FHOD3: variants seen among roughly 807,000 people sequenced by gnomAD.
FHOD3 encodes FH1/FH2 domain-containing protein 3.
In FHOD3, 90 loss-of-function variants were observed where a neutral mutation model predicts 173.0. The observed-to-expected ratio is 0.52, with a 90% CI of 0.44 to 0.62. The LOEUF (loss-of-function observed/expected upper bound fraction) is 0.62, where lower values mean the gene tolerates loss of function less well. Among genes scored for constraint, FHOD3 ranks in the 20% least tolerant of loss-of-function variants. FHOD3 has a pLI of 0.00. For missense variants in FHOD3, 1,945 were observed against 2,034.7 expected, an observed-to-expected ratio of 0.96 and a Z score of 0.85; for synonymous variants, 828 against 823.0, an observed-to-expected ratio of 1.01 and a Z score of -0.10.
intron 1 of FHOD3, among the ~76,000 whole-genome samples, chr18:36,332,584 T>C (rs1401141838): frequency 6.6e-6 from 1 of 152,240 alleles, no homozygotes; most frequent in African/African-American, 2.4e-5. Context: ...TTCAACCCAA[T>C]GCAGGTGTGA....
At chr18:36,303,482 G>A (rs1208169340) in intron 1 of FHOD3, among the ~76,000 whole-genome samples, 1 of 152,004 alleles carries the variant, frequency 6.6e-6, no homozygotes, top group African/African-American at 2.4e-5. Context: ...TTTTGTCCTC[G>A]GACTCCAACC....
chr18:36,462,444 G>A (rs991307712), intron 3 of FHOD3, among the ~76,000 whole-genome samples: 11 of 152,142 alleles, frequency 7.2e-5, no homozygotes, highest in Middle Eastern at 3.4e-3. Flanking sequence ...CCATTCTTCT[G>A]CTTCAGCCTC....
Position 36,759,119 on chromosome 18 carries a change from C to T in FHOD3, c.4427C>T (p.Thr1476Ile). ...NKTRGKMITDTDEEEEVESGK... is the reference protein window; with the variant it reads ...NKTRGKMITDIDEEEEVESGK... ...GTCCTGTCCTGTCCTCTCGGGTAGA[C>T]TGATGAGGAGGAGGAAGTTGAGGTA... Residue 1476 changes from threonine (T) to isoleucine (I), a missense_variant and splice_region_variant, in exon 26 of 29, where the codon ACT becomes ATT. Thr to Ile is a moderately conservative substitution (Grantham distance 89). This residue lies in a region of FHOD3 where 354 missense variants were observed against 359.9 expected (regional missense o/e 0.98). Transcript: ENST00000590592. 1 of 1,535,886 alleles carries T rather than the reference C, an allele frequency of 6.5e-7. No homozygotes were observed. The highest frequency in any genetic ancestry group is 2.0e-5 in the Admixed American group (1 of 50,994).
intron 3 of FHOD3, among the ~76,000 whole-genome samples, chr18:36,427,207 A>G (rs1222924044): frequency 1.3e-5 from 2 of 150,850 alleles, no homozygotes; most frequent in East Asian, 4.0e-4. Flanking sequence ...TAGATTTTAA[A>G]TATGGTAACT....
At chr18:36,636,971 T>C (rs1039701658) in intron 10 of FHOD3, among the ~76,000 whole-genome samples, 1 of 97,832 alleles carries the variant, frequency 1.0e-5, no homozygotes, top group Non-Finnish European at 2.1e-5. Context: ...CAAATAATTT[T>C]GATCATGAGA....
At chr18:36,658,269 A>T in intron 14 of FHOD3, 81 bp downstream of exon 14, 1 of 912,914 alleles carries the variant, frequency 1.1e-6, no homozygotes, top group South Asian at 1.6e-5. Flanking sequence ...TAAAGGAAAA[A>T]TATAAATAAA....
chr18:36,373,926 T>C (rs894984020), intron 3 of FHOD3, among the ~76,000 whole-genome samples: 4 of 152,226 alleles, frequency 2.6e-5, no homozygotes, highest in Admixed American at 6.5e-5. Context: ...TTGGATAAAC[T>C]TCCCCCTTAC....
chr18:36,736,412 C>G lies in FHOD3; in HGVS notation c.3577-4244C>G, dbSNP rs145851448. 4.5e-3 allele frequency among the ~76,000 whole-genome samples: 679 copies of G among 152,288 alleles called. 4 individuals are homozygous for G. The highest frequency in any genetic ancestry group is 0.016 in the African/African-American group (653 of 41,542). Reference sequence around the variant, plus strand: ...CGCCCGCATCTATGGCACCAGAGCTCTTGTTTAGCGTCCAGAAAAAATCAG... The same window carrying G: ...CGCCCGCATCTATGGCACCAGAGCTGTTGTTTAGCGTCCAGAAAAAATCAG... On this transcript the variant is annotated intron_variant, in intron 20 of 28. Coordinates refer to ENST00000590592, the MANE Select transcript of FHOD3 (RefSeq NM_001281740.3).
At chr18:36,483,969 G>A (rs990564833) in intron 3 of FHOD3, among the ~76,000 whole-genome samples, 1 of 152,122 alleles carries the variant, frequency 6.6e-6, no homozygotes, top group African/African-American at 2.4e-5. Context: ...CCAGCTGTGG[G>A]GACACCAACT....
intron 14 of FHOD3, among the ~76,000 whole-genome samples, chr18:36,676,733 C>T (rs2037886150): frequency 6.6e-6 from 1 of 152,136 alleles, no homozygotes; most frequent in African/African-American, 2.4e-5. Context: ...AACAGTATAT[C>T]ACTGTGGGTT....
chr18:36,686,890 G>A (rs74882390), intron 15 of FHOD3, among the ~76,000 whole-genome samples: 2,008 of 152,174 alleles, frequency 0.013, 54 homozygotes, highest in African/African-American at 0.047. Context: ...AGTGTTTCTG[G>A]GTGAATCCAA....
At chr18:36,599,431 A>G (rs2031015633) in intron 7 of FHOD3, among the ~76,000 whole-genome samples, 1 of 152,234 alleles carries the variant, frequency 6.6e-6, no homozygotes, top group Non-Finnish European at 1.5e-5. Flanking sequence ...TTAAGAGTAT[A>G]TCTATCTGTG....
intron 3 of FHOD3, among the ~76,000 whole-genome samples, chr18:36,392,424 G>A (rs143943230): frequency 6.6e-6 from 1 of 152,322 alleles, no homozygotes; most frequent in East Asian, 1.9e-4. Context: ...ACCCTCTCAA[G>A]TTTCCCTGAA....
At chr18:36,462,188 T>C (rs987509174) in intron 3 of FHOD3, among the ~76,000 whole-genome samples, 7 of 152,188 alleles carry the variant, frequency 4.6e-5, no homozygotes, top group Non-Finnish European at 8.8e-5. Context: ...CCAGTGGGGT[T>C]GTTCACTCAC....
intron 1 of FHOD3, among the ~76,000 whole-genome samples, chr18:36,299,447 A>G (rs949754235): frequency 6.6e-6 from 1 of 152,220 alleles, no homozygotes; most frequent in Non-Finnish European, 1.5e-5. Context: ...CATCATGATT[A>G]TTCAGGCCAC....
At chr18:36,682,495 A>T in intron 15 of FHOD3, among the ~76,000 whole-genome samples, 1 of 152,156 alleles carries the variant, frequency 6.6e-6, no homozygotes, top group Admixed American at 6.5e-5. Flanking sequence ...GGCAAACAAT[A>T]TTCCCATCAA....
chr18:36,389,589 C>A (rs2048198363), intron 3 of FHOD3, among the ~76,000 whole-genome samples: 1 of 151,508 alleles, frequency 6.6e-6, no homozygotes, highest in African/African-American at 2.5e-5. Flanking sequence ...TTGTCCTTTC[C>A]TGGAGCATTG....
At chr18:36,738,189 T>A (rs1461480150) in intron 20 of FHOD3, among the ~76,000 whole-genome samples, 1 of 152,252 alleles carries the variant, frequency 6.6e-6, no homozygotes, top group Non-Finnish European at 1.5e-5. Flanking sequence ...CCGAGTGCTA[T>A]TGCATTGCAG....
intron 3 of FHOD3, among the ~76,000 whole-genome samples, chr18:36,466,348 A>G (rs900450280): frequency 3.2e-4 from 48 of 152,254 alleles, no homozygotes; most frequent in African/African-American, 1.1e-3. Context: ...AGAAGGGGAG[A>G]TATTTCTCTG....
Sources: gnomAD v4.1 joint callset for allele counts (sites outside exome capture counted in the v4.1 genomes callset) on GRCh38, gnomAD v4.1.1 for gene constraint, gnomAD v4.1.1 regional missense constraint, MANE v1.5 for transcripts, NCBI Gene and HGNC (gene_info 2026-07-23, HGNC 2026-07-21) for gene names.